Variants in PTPRQ observed in about 807,000 individuals in gnomAD.
PTPRQ encodes protein tyrosine phosphatase receptor type Q.
PTPRQ carries 199 observed loss-of-function variants against 246.0 expected under a neutral mutation model. That is an observed-to-expected ratio of 0.81 (90% CI 0.72 to 0.91). PTPRQ has a LOEUF of 0.91. PTPRQ is among the 40% of genes least tolerant of loss of function. The pLI, the probability that PTPRQ is intolerant of heterozygous loss-of-function variation, is 0.00. For missense variants in PTPRQ, 2,624 were observed against 2,528.4 expected, an observed-to-expected ratio of 1.04 and a Z score of -0.81; for synonymous variants, 869 against 853.2, an observed-to-expected ratio of 1.02 and a Z score of -0.32.
At chr12:80,613,984 G>A in intron 29 of PTPRQ, 148 bp downstream of exon 29, 2 of 1,020,116 alleles carry the variant, frequency 2.0e-6, no homozygotes, top group South Asian at 3.5e-5. Context: ...TAAATTTTGA[G>A]AACTGAAATT....
At chr12:80,600,117 A>C (rs1473547710) in intron 26 of PTPRQ, among the ~76,000 whole-genome samples, 1 of 151,930 alleles carries the variant, frequency 6.6e-6, no homozygotes, top group Admixed American at 6.6e-5. Flanking sequence ...AAAGTTCAAG[A>C]AATGGCATTA....
intron 39 of PTPRQ, among the ~76,000 whole-genome samples, chr12:80,660,341 G>A (rs1900587484): frequency 2.0e-5 from 3 of 151,998 alleles, no homozygotes; most frequent in South Asian, 4.1e-4. Context: ...TTATAACTAG[G>A]TTAACATGCC....
intron 39 of PTPRQ, among the ~76,000 whole-genome samples, chr12:80,658,381 G>T (rs929612011): frequency 1.3e-5 from 2 of 151,964 alleles, no homozygotes; most frequent in African/African-American, 4.8e-5. Context: ...CAATCTCTGT[G>T]AATTAAAAAT....
At chr12:80,621,892 A>G (rs910454242) in intron 32 of PTPRQ, among the ~76,000 whole-genome samples, 169 bp from the exon 33 acceptor site, 1 of 152,094 alleles carries the variant, frequency 6.6e-6, no homozygotes, top group Non-Finnish European at 1.5e-5. Context: ...TTTGTCTCAT[A>G]TAAATATAGC....
At chr12:80,540,757 T>C (rs928921054) in intron 20 of PTPRQ, among the ~76,000 whole-genome samples, 5 of 152,090 alleles carry the variant, frequency 3.3e-5, no homozygotes, top group Non-Finnish European at 7.4e-5. Flanking sequence ...TGGGGAAATA[T>C]GTATTTGGGG....
intron 33 of PTPRQ, 43 bp from the exon 34 acceptor site, chr12:80,632,149 T>C (rs1457903529): frequency 2.0e-6 from 3 of 1,525,398 alleles, no homozygotes; most frequent in South Asian, 2.6e-5. Context: ...CAAAATAAGA[T>C]TCCATAATAA....
At chr12:80,644,654 T>A (rs1900005274) in intron 35 of PTPRQ, among the ~76,000 whole-genome samples, 1 of 152,122 alleles carries the variant, frequency 6.6e-6, no homozygotes, top group South Asian at 2.1e-4. Context: ...AGGAATTTAA[T>A]TATACCTCTC....
chr12:80,624,070 G>T (rs1411353792), intron 33 of PTPRQ, among the ~76,000 whole-genome samples: 1 of 152,092 alleles, frequency 6.6e-6, no homozygotes, highest in African/African-American at 2.4e-5. Flanking sequence ...TCAGGTTTTT[G>T]ATTCCTTCTT....
In PTPRQ at chr12:80,670,984, C is replaced by T. The variant is rs76559029; in HGVS notation, c.6602+492C>T. On this transcript the variant is annotated intron_variant, in intron 42 of 44. Coordinates refer to ENST00000644991, the MANE Select transcript of PTPRQ (RefSeq NM_001145026.2). ...AGATTCTCTGTTATTCATCTTTCAC[C>T]ACAATAAAAAGATTTTTTTAAAGTA... is the stretch of plus-strand genomic sequence containing the variant. Among the ~76,000 whole-genome samples, 965 of 151,908 alleles carry T rather than the reference C, an allele frequency of 6.4e-3. 17 individuals carry two copies. The highest frequency in any genetic ancestry group is 0.049 in the East Asian group (250 of 5,144).
chr12:80,562,435 A>G (rs984101514), intron 25 of PTPRQ, among the ~76,000 whole-genome samples: 6 of 152,326 alleles, frequency 3.9e-5, no homozygotes, highest in Admixed American at 2.6e-4. Context: ...TTTTAAAATT[A>G]CATTTTTATG....
At chr12:80,516,026 C>T (rs1441324196) in intron 17 of PTPRQ, among the ~76,000 whole-genome samples, 1 of 152,054 alleles carries the variant, frequency 6.6e-6, no homozygotes, top group East Asian at 1.9e-4. Flanking sequence ...TAGCATTTCC[C>T]CCCTGCAGTT....
At chr12:80,660,897 A>T (rs1489941951) in intron 39 of PTPRQ, among the ~76,000 whole-genome samples, 1 of 151,998 alleles carries the variant, frequency 6.6e-6, no homozygotes, top group Non-Finnish European at 1.5e-5. Flanking sequence ...CCTTTGTCAG[A>T]TTCTAACTCA....
At position 80,445,488 on chromosome 12, in the gene PTPRQ, T is replaced by A; in HGVS notation, c.164-3T>A. The A allele has an allele frequency of 6.6e-7, 1 of 1,505,462 alleles. No homozygotes were observed. Among genetic ancestry groups the A allele is most frequent in the South Asian group, 1.3e-5 (1 of 77,496 alleles). The allele number at this position is 1,505,462 out of a possible 1,614,324, so 93.3% of individuals were successfully genotyped here. On this transcript the variant is annotated splice_polypyrimidine_tract_variant and splice_region_variant and intron_variant, in intron 2 of 44. Coordinates refer to ENST00000644991, the MANE Select transcript of PTPRQ (RefSeq NM_001145026.2). Reference sequence around the variant, plus strand: ...TTTAACAAAATGGATTTTTTAAAAATAGAACCAGGGCCTCCAGTCTTCCTA... The same window carrying A: ...TTTAACAAAATGGATTTTTTAAAAAAAGAACCAGGGCCTCCAGTCTTCCTA...
intron 42 of PTPRQ, among the ~76,000 whole-genome samples, chr12:80,672,556 T>C (rs1402224447): frequency 6.6e-6 from 1 of 152,054 alleles, no homozygotes; most frequent in East Asian, 1.9e-4. Flanking sequence ...TAGGAATTTC[T>C]GACAATAGGA....
chr12:80,641,766 C>G (rs1303463792), intron 35 of PTPRQ, among the ~76,000 whole-genome samples: 1 of 152,034 alleles, frequency 6.6e-6, no homozygotes, highest in East Asian at 1.9e-4. Flanking sequence ...GACTCAGAGG[C>G]GGTTTGGTTG....
intron 38 of PTPRQ, among the ~76,000 whole-genome samples, chr12:80,656,293 G>A (rs901594918): frequency 6.6e-6 from 1 of 152,074 alleles, no homozygotes; most frequent in African/African-American, 2.4e-5. Flanking sequence ...AACATGTATT[G>A]AGTGCCTATT....
Position 80,495,373 on chromosome 12 carries a change from TAGAA to T in PTPRQ, c.1882+4_1882+7del. 2.0e-6 allele frequency: 3 copies of T among 1,466,770 alleles called. No homozygotes were observed. Among genetic ancestry groups the T allele is most frequent in the Non-Finnish European group, 2.7e-6 (3 of 1,115,594 alleles). The allele number at this position is 1,466,770 out of a possible 1,614,324, so 90.9% of individuals were successfully genotyped here. ...TAGATAACAGCTTTCTCATAACAGG[TAGAA>T]AACAATGTTTTGTTGTTGTTGTTGT... is the stretch of plus-strand genomic sequence containing the variant. On this transcript the variant is annotated splice_donor_5th_base_variant and intron_variant, in intron 12 of 44. Coordinates refer to ENST00000644991, the MANE Select transcript of PTPRQ (RefSeq NM_001145026.2).
chr12:80,610,845 C>A (rs537240568), intron 28 of PTPRQ, among the ~76,000 whole-genome samples: 1 of 150,514 alleles, frequency 6.6e-6, no homozygotes, highest in East Asian at 2.0e-4. Flanking sequence ...CTTGTAAATA[C>A]AGCAACAATT....
chr12:80,576,952 G>T (rs75364110), intron 25 of PTPRQ, among the ~76,000 whole-genome samples: 1 of 151,994 alleles, frequency 6.6e-6, no homozygotes. Context: ...TAATTTCTTC[G>T]TCACTCTCAA....
Sources: allele counts gnomAD v4.1 joint callset (sites outside exome capture counted in the v4.1 genomes callset), GRCh38; gene constraint gnomAD v4.1.1; transcripts MANE v1.5; gene names NCBI Gene and HGNC (gene_info 2026-07-23, HGNC 2026-07-21).